The following FAM120C variants were observed in gnomAD, a reference collection of about 807,000 sequenced individuals.
FAM120C encodes the protein family with sequence similarity 120 member C.
In FAM120C, 14 loss-of-function variants were observed where a neutral mutation model predicts 71.2. The ratio of observed to expected loss-of-function variants is 0.20; its 90% CI spans 0.13 to 0.31. FAM120C has a LOEUF of 0.31. Ranked by LOEUF, FAM120C falls within the 10% of genes least tolerant of loss-of-function variation. The pLI is 1.00. For synonymous variants in FAM120C, 354 were observed against 353.2 expected, an observed-to-expected ratio of 1.00 and a Z score of -0.03; for missense variants, 500 against 879.0, an observed-to-expected ratio of 0.57 and a Z score of 5.45.
At chrX:54,142,482 C>T (rs2067130730) in intron 4 of FAM120C, among the ~76,000 whole-genome samples, 1 of 111,961 alleles carries the variant, frequency 8.9e-6, no homozygotes, top group Non-Finnish European at 1.9e-5. Context: ...CACAGAGCCT[C>T]ACTCACTGCT....
chrX:54,156,886 C>CAA (rs782182111), intron 3 of FAM120C, among the ~76,000 whole-genome samples: 335 of 32,554 alleles, frequency 0.01, 5 homozygotes, highest in African/African-American at 0.031. Flanking sequence ...GACTTTGCCT[C>CAA]AAAAAAAAAA....
chrX:54,080,378 A>G, intron 14 of FAM120C, 89 bp from the exon 15 acceptor site: 1 of 720,607 alleles, frequency 1.4e-6, no homozygotes, highest in Non-Finnish European at 2.1e-6. Context: ...TCCTCTTAGA[A>G]GTTTGACCCT....
At position 54,087,747 on chromosome X, in the gene FAM120C, G is replaced by A; in HGVS notation, c.2637+8C>T. 8.3e-7 allele frequency: 1 copy of A among 1,206,907 alleles called. No homozygotes were observed. Among genetic ancestry groups the A allele is most frequent in the Non-Finnish European group, 1.1e-6 (1 of 892,362 alleles). On this transcript the variant is annotated splice_region_variant and intron_variant, in intron 12 of 15. Coordinates refer to ENST00000375180, the MANE Select transcript of FAM120C (RefSeq NM_017848.6). ...GAGCTAGTCCTTAGCAGCCTGACAT[G>A]CTGGTACCTGGCCATCACAGAGCTC...
At chrX:54,079,077 A>G (rs782766890) in intron 15 of FAM120C, among the ~76,000 whole-genome samples, 115 of 108,340 alleles carry the variant, frequency 1.1e-3, no homozygotes, top group African/African-American at 3.6e-3. Context: ...TGGCTAACAC[A>G]GTGAAACCCC....
rs1391162495 is a variant in FAM120C at position 54,073,298 on chromosome X, C to CA, written c.3037-12dup. ...TCCATCTGAAGAGCCCTGTTAAAAA[C>CA]AGAGATACTCAGTGGAAATGGGAAT... On this transcript the variant is annotated splice_polypyrimidine_tract_variant and intron_variant, in intron 15 of 15. Coordinates refer to ENST00000375180, the MANE Select transcript of FAM120C (RefSeq NM_017848.6). The CA allele has an allele frequency of 1.3e-5, 15 of 1,184,663 alleles. No individual in the cohort carries two copies. Among genetic ancestry groups the CA allele is most frequent in the Non-Finnish European group, 1.6e-5 (14 of 879,301 alleles).
chrX:54,146,014 G>A (rs1461727165), intron 4 of FAM120C, among the ~76,000 whole-genome samples: 4 of 111,640 alleles, frequency 3.6e-5, no homozygotes, highest in Admixed American at 9.6e-5. Flanking sequence ...GTAGGGACAT[G>A]GATGAAGCTG....
intron 1 of FAM120C, among the ~76,000 whole-genome samples, chrX:54,169,800 T>C (rs934954842): frequency 1.4e-4 from 16 of 112,594 alleles, no homozygotes; most frequent in African/African-American, 3.5e-4. Flanking sequence ...CTCTAACTAC[T>C]AAATAATTAC....
chrX:54,093,882 T>C (rs1183432550), intron 10 of FAM120C, among the ~76,000 whole-genome samples: 1 of 111,561 alleles, frequency 9.0e-6, no homozygotes, highest in Non-Finnish European at 1.9e-5. Context: ...ATTATTGCTA[T>C]TAGTAGTTAC....
intron 3 of FAM120C, among the ~76,000 whole-genome samples, chrX:54,151,904 TAAC>T (rs1334029864): frequency 9.0e-6 from 1 of 111,722 alleles, no homozygotes; most frequent in Non-Finnish European, 1.9e-5. Flanking sequence ...TAAAAAACAT[TAAC>T]AACAACAAAA....
chrX:54,180,955 G>C (rs2146657168), intron 1 of FAM120C, among the ~76,000 whole-genome samples: 1 of 110,127 alleles, frequency 9.1e-6, no homozygotes, highest in East Asian at 2.8e-4. Flanking sequence ...AAACAAAGTG[G>C]AAAGAATGGC....
intron 1 of FAM120C, among the ~76,000 whole-genome samples, chrX:54,167,802 T>TA (rs2067267385): frequency 7.5e-5 from 6 of 80,037 alleles, no homozygotes; most frequent in African/African-American, 1.4e-4. Flanking sequence ...CCGTCTCTAT[T>TA]TAAAAAAAAA....
intron 15 of FAM120C, among the ~76,000 whole-genome samples, chrX:54,076,512 C>T (rs1463253895): frequency 1.8e-5 from 2 of 110,507 alleles, no homozygotes; most frequent in Non-Finnish European, 3.8e-5. Context: ...GAGTCAAAAA[C>T]GAAGTCAGCA....
intron 10 of FAM120C, among the ~76,000 whole-genome samples, chrX:54,114,201 T>G (rs1557126261): frequency 9.0e-6 from 1 of 110,649 alleles, no homozygotes; most frequent in African/African-American, 3.3e-5. Context: ...CACTTATAAG[T>G]GGGAGGTAAA....
At chrX:54,116,078 T>C (rs1246765532) in intron 10 of FAM120C, among the ~76,000 whole-genome samples, 1 of 110,802 alleles carries the variant, frequency 9.0e-6, no homozygotes, top group Non-Finnish European at 1.9e-5. Flanking sequence ...TGAAACTCCA[T>C]CTCAATAAAA....
In FAM120C at chrX:54,079,680, C is replaced by T. The variant is rs781897900; in HGVS notation, c.3036+552G>A. On this transcript the variant is annotated intron_variant, in intron 15 of 15. Coordinates refer to ENST00000375180, the MANE Select transcript of FAM120C (RefSeq NM_017848.6). ...GGCGTGGTGGTGCATGCCTATAATC[C>T]CAGCTACTCAGGAGGCTGAGGCAGG... Among the ~76,000 whole-genome samples the T allele has an allele frequency of 3.6e-5, 4 of 110,238 alleles. No individual in the cohort carries two copies. The South Asian group carries it at 1.2e-3, about 32-fold the overall frequency.
At chrX:54,113,689 A>T (rs782084199) in intron 10 of FAM120C, among the ~76,000 whole-genome samples, 8 of 110,150 alleles carry the variant, frequency 7.3e-5, no homozygotes, top group African/African-American at 2.6e-4. Flanking sequence ...AGGTGGGCAG[A>T]TCACCTGAGG....
intron 1 of FAM120C, among the ~76,000 whole-genome samples, chrX:54,167,295 C>A (rs1361049760): frequency 8.9e-6 from 1 of 112,013 alleles, no homozygotes; most frequent in African/African-American, 3.2e-5. Context: ...ATCACTGTTA[C>A]CACCTGTAAG....
At chrX:54,078,255 T>TA (rs1443596337) in intron 15 of FAM120C, among the ~76,000 whole-genome samples, 2 of 110,602 alleles carry the variant, frequency 1.8e-5, no homozygotes, top group Non-Finnish European at 1.9e-5. Flanking sequence ...GATCTACTCT[T>TA]ATTGTACCAA....
intron 3 of FAM120C, among the ~76,000 whole-genome samples, chrX:54,156,839 A>T (rs1243388592): frequency 1.0e-5 from 1 of 98,018 alleles, no homozygotes; most frequent in Non-Finnish European, 2.0e-5. Flanking sequence ...GTGAGCTGAG[A>T]TTGCAACACT....
Sources: allele counts gnomAD v4.1 joint callset (sites outside exome capture counted in the v4.1 genomes callset), GRCh38; gene constraint gnomAD v4.1.1; transcripts MANE v1.5; gene names NCBI Gene and HGNC (gene_info 2026-07-23, HGNC 2026-07-21).